The following KLF12 variants were observed in gnomAD, a reference collection of about 807,000 sequenced individuals.
The protein encoded by KLF12 is Krueppel-like factor 12.
A neutral mutation model predicts 37.8 loss-of-function variants in KLF12; 9 were observed. The ratio of observed to expected loss-of-function variants is 0.24; its 90% CI spans 0.14 to 0.42. The LOEUF is 0.42. Among genes scored for constraint, KLF12 ranks in the 10% least tolerant of loss-of-function variants. KLF12 has a pLI of 1.00. For missense variants in KLF12, 411 were observed against 516.0 expected (o/e 0.80, Z 1.97); for synonymous variants, 208 against 202.1 (o/e 1.03, Z -0.25).
chr13:74,217,722 G>A, the KLF12 span, among the ~76,000 whole-genome samples: 7 of 152,212 alleles, frequency 4.6e-5, no homozygotes, highest in South Asian at 1.0e-3. Flanking sequence ...GTGAGACTCC[G>A]TCTCAAAAAA....
chr13:73,748,396 C>A (rs549663582), intron 6 of KLF12, among the ~76,000 whole-genome samples: 1 of 152,262 alleles, frequency 6.6e-6, no homozygotes, highest in African/African-American at 2.4e-5. Context: ...ATCCTCAATG[C>A]AATGGTATCT....
At chr13:74,051,554 C>T (rs1570739) in intron 1 of KLF12, among the ~76,000 whole-genome samples, 93,120 of 151,754 alleles carry the variant, frequency 0.61, 29,612 homozygotes, top group East Asian at 0.84. Flanking sequence ...GGTGTCTTGT[C>T]TTCCTGGTAC....
chr13:74,283,266 T>G, the KLF12 span, among the ~76,000 whole-genome samples: 1 of 152,206 alleles, frequency 6.6e-6, no homozygotes, highest in African/African-American at 2.4e-5. Context: ...CAACGTTTAC[T>G]TCATGAATAT....
rs1283529509 is a variant in KLF12, at chr13:73,694,571, C to T, written c.*919G>A. 6.5e-6 allele frequency: 1 copy of T among 152,722 alleles called. No homozygotes were observed. Among genetic ancestry groups the T allele is most frequent in the Non-Finnish European group, 1.5e-5 (1 of 68,092 alleles). The allele number at this position is 152,722 out of a possible 1,614,324, so 9.5% of individuals were successfully genotyped here. A position where few individuals can be genotyped will look rare whatever the true frequency, so the allele number is the denominator to read the frequency against. On this transcript the variant is annotated 3_prime_UTR_variant, in exon 8 of 8. Transcript: ENST00000377669. Reference sequence around the variant, plus strand: ...TGACTTTGCCTGGGCAGCCCCACCTCTTACCTTGGTGCCAGTGTGTCTAAG... The same window carrying T: ...TGACTTTGCCTGGGCAGCCCCACCTTTTACCTTGGTGCCAGTGTGTCTAAG...
intron 6 of KLF12, among the ~76,000 whole-genome samples, chr13:73,750,162 A>G (rs1291294056): frequency 6.6e-6 from 1 of 152,234 alleles, no homozygotes; most frequent in Admixed American, 6.5e-5. Context: ...TAATGTGAAA[A>G]TATGTCTTGC....
the KLF12 span, among the ~76,000 whole-genome samples, chr13:74,176,479 T>G: frequency 6.6e-6 from 1 of 152,208 alleles, no homozygotes; most frequent in African/African-American, 2.4e-5. Flanking sequence ...CAATAACTTA[T>G]AACCCTCACC....
chr13:73,701,003 C>A (rs957462188), intron 7 of KLF12, among the ~76,000 whole-genome samples: 1 of 152,076 alleles, frequency 6.6e-6, no homozygotes, highest in South Asian at 2.1e-4. Flanking sequence ...TGTAAATGAG[C>A]CCTGAAAGGC....
chr13:73,842,152 A>C (rs1884771181), intron 4 of KLF12, among the ~76,000 whole-genome samples: 1 of 152,154 alleles, frequency 6.6e-6, no homozygotes, highest in Non-Finnish European at 1.5e-5. Context: ...TTAGTCAAGC[A>C]TCCCTTGCAG....
intron 6 of KLF12, among the ~76,000 whole-genome samples, chr13:73,754,313 G>A (rs1345960976): frequency 6.6e-6 from 1 of 152,120 alleles, no homozygotes; most frequent in Non-Finnish European, 1.5e-5. Context: ...AGGCTCAATT[G>A]CATATTGTTC....
chr13:73,962,996 C>G (rs893709401), intron 2 of KLF12, among the ~76,000 whole-genome samples: 6 of 152,110 alleles, frequency 3.9e-5, no homozygotes, highest in African/African-American at 1.4e-4. Flanking sequence ...AATTCTATCA[C>G]CCCACATTAC....
chr13:74,204,326 G>T, the KLF12 span, among the ~76,000 whole-genome samples: 3 of 152,118 alleles, frequency 2.0e-5, no homozygotes, highest in Non-Finnish European at 4.4e-5. Context: ...AGGGTTACAA[G>T]TGCAGTTTTG....
At chr13:73,729,811 G>A (rs924254742) in intron 6 of KLF12, among the ~76,000 whole-genome samples, 2 of 152,060 alleles carry the variant, frequency 1.3e-5, no homozygotes, top group Non-Finnish European at 2.9e-5. Context: ...TTTTCTGTAA[G>A]TTCACCATAG....
intron 4 of KLF12, among the ~76,000 whole-genome samples, chr13:73,825,239 G>T (rs1345163521): frequency 6.6e-6 from 1 of 152,098 alleles, no homozygotes; most frequent in Non-Finnish European, 1.5e-5. Flanking sequence ...ACTTCCTTGG[G>T]CTTCAGGTAT....
At chr13:73,837,993 G>A (rs546500525) in intron 4 of KLF12, among the ~76,000 whole-genome samples, 3 of 152,144 alleles carry the variant, frequency 2.0e-5, no homozygotes, top group Admixed American at 6.6e-5. Context: ...TGACATGAAC[G>A]AAATCTCTAG....
chr13:73,761,754 C>A (rs564318008), intron 6 of KLF12, among the ~76,000 whole-genome samples: 2 of 152,164 alleles, frequency 1.3e-5, no homozygotes, highest in East Asian at 1.9e-4. Context: ...ATTTACAGGG[C>A]CCCAGCCAAT....
chr13:74,060,496 G>GTGTGTGTGTC lies in KLF12; in HGVS notation c.-31-65444_-31-65443insGACACACACA, dbSNP rs1555336659. Among the ~76,000 whole-genome samples the GTGTGTGTGTC allele has an allele frequency of 5.5e-4, 78 of 141,944 alleles. 2 individuals are homozygous for GTGTGTGTGTC. The highest frequency in any genetic ancestry group is 4.9e-3 in the Admixed American group (70 of 14,196). 93.1% of individuals were successfully genotyped at this position (141,944 alleles called of 152,430 possible). A position where few individuals can be genotyped will look rare whatever the true frequency, so the allele number is the denominator to read the frequency against. On this transcript the variant is annotated intron_variant, in intron 1 of 7. Coordinates refer to ENST00000377669, the MANE Select transcript of KLF12 (RefSeq NM_007249.5). ...GTATACCTAGGTTTTGTGTGTGTGTGTGTGTGTGTGTGTGTGTGTGTGTGT... is the reference window on the plus strand; with the variant it reads ...GTATACCTAGGTTTTGTGTGTGTGTGTGTGTGTGTCTGTGTGTGTGTGTGTGTGTGTGTGT...
rs933511929 is a variant in KLF12, at chr13:73,687,795, C to G, written c.*7695G>C. ...CAATAATTCACACAAGGAGTCCATT[C>G]ATTGGTTCTCGCCTTGCACAAAGGG... On this transcript the variant is annotated 3_prime_UTR_variant, in exon 8 of 8. Transcript: ENST00000377669. The G allele has an allele frequency of 6.6e-6, 1 of 152,184 alleles. No homozygotes were observed. The highest frequency in any genetic ancestry group is 2.4e-5 in the African/African-American group (1 of 41,444). 9.4% of individuals were successfully genotyped at this position (152,184 alleles called of 1,614,324 possible).
chr13:74,237,831 G>T, the KLF12 span, among the ~76,000 whole-genome samples: 2 of 152,236 alleles, frequency 1.3e-5, no homozygotes, highest in Non-Finnish European at 2.9e-5. Flanking sequence ...AGCTTAAGGA[G>T]ATTTTGGGCT....
chr13:73,764,303 C>CT (rs1335336242), intron 6 of KLF12, among the ~76,000 whole-genome samples: 3 of 151,940 alleles, frequency 2.0e-5, no homozygotes. Context: ...ATTGAGCCCA[C>CT]TTTTTTTGTT....
Sources: allele counts gnomAD v4.1 joint callset (sites outside exome capture counted in the v4.1 genomes callset), GRCh38; gene constraint gnomAD v4.1.1; transcripts MANE v1.5; gene names NCBI Gene and HGNC (gene_info 2026-07-23, HGNC 2026-07-21).